The following NRAP variants were observed in gnomAD, a reference collection of about 807,000 sequenced individuals.
NRAP encodes nebulin related anchoring protein.
Under a neutral mutation model 225.9 loss-of-function variants are expected in NRAP, and 189 were observed. That is an observed-to-expected ratio of 0.84 (90% CI 0.74 to 0.94). NRAP has a LOEUF of 0.94. Among genes scored for constraint, NRAP ranks in the 40% least tolerant of loss-of-function variants. The pLI is 0.00. For missense variants in NRAP, 2,176 were observed against 2,168.7 expected, an observed-to-expected ratio of 1.00 and a Z score of -0.07; for synonymous variants, 769 against 790.7, an observed-to-expected ratio of 0.97 and a Z score of 0.46.
At chr10:113,650,653 C>A in intron 7 of NRAP, 108 bp from the exon 8 acceptor site, 1 of 736,226 alleles carries the variant, frequency 1.4e-6, no homozygotes, top group Admixed American at 2.1e-5. Context: ...TGTCATAGCT[C>A]ATAAGGCACA....
rs764130115 is a variant in NRAP at position 113,631,652 on chromosome 10, C to T, written c.1741-42G>A. The T allele has an allele frequency of 4.8e-5, 65 of 1,348,954 alleles. No individual in the cohort carries two copies. The South Asian group carries it at 4.9e-4, about 10-fold the overall frequency. 83.6% of individuals were successfully genotyped at this position (1,348,954 alleles called of 1,614,324 possible). ...AGGTCTACTGTGAGTGAGAGAGAAA[C>T]TTTGCCGTCTAAGGGGCTCTGGTTT... is the stretch of plus-strand genomic sequence containing the variant. On this transcript the variant is annotated intron_variant, in intron 17 of 41. Coordinates refer to ENST00000359988, the MANE Select transcript of NRAP (RefSeq NM_198060.4).
At chr10:113,621,796 G>A in intron 24 of NRAP, 73 bp downstream of exon 24, 1 of 1,423,798 alleles carries the variant, frequency 7.0e-7, no homozygotes, top group Non-Finnish European at 9.7e-7. Context: ...GAATGGCTTA[G>A]GGAAACACTT....
intron 2 of NRAP, 128 bp from the exon 3 acceptor site, chr10:113,662,894 A>AC: frequency 2.0e-6 from 1 of 489,720 alleles, no homozygotes; most frequent in Non-Finnish European, 3.5e-6. Flanking sequence ...AAACTTAAAA[A>AC]TTAAGTTCGT....
At chr10:113,643,658 A>G (rs900781094) in intron 11 of NRAP, among the ~76,000 whole-genome samples, 11 of 152,240 alleles carry the variant, frequency 7.2e-5, no homozygotes, top group Non-Finnish European at 1.5e-4. Context: ...GGCTACATTT[A>G]TTAAATAGAC....
In NRAP at chr10:113,589,749, G is replaced by A. The variant is rs1170157556; in HGVS notation, c.5005C>T (p.Pro1669Ser). 6.2e-7 allele frequency: 1 copy of A among 1,614,170 alleles called. No homozygotes were observed. The highest frequency in any genetic ancestry group is 2.2e-5 in the East Asian group (1 of 44,878). The change falls in exon 41 of 42, where the codon CCT becomes TCT. Residue 1669 changes from proline to serine, a missense_variant. Coordinates refer to ENST00000359988, the MANE Select transcript of NRAP (RefSeq NM_198060.4). ...ATTTCCACTTTGTAGGAGCCAGGAG[G>A]GGTCCAGCCAACACCTCTGGTCAGG... Reference protein sequence around the residue: ...LNLTRGVGWTPPGSYKVEMAR... With the variant: ...LNLTRGVGWTSPGSYKVEMAR...
chr10:113,599,663 C>T (rs1264402519), intron 35 of NRAP, among the ~76,000 whole-genome samples: 1 of 152,158 alleles, frequency 6.6e-6, no homozygotes, highest in African/African-American at 2.4e-5. Flanking sequence ...AGCTCCCAGC[C>T]CAGCTTTGAC....
At chr10:113,651,729 C>G (rs530577248) in intron 7 of NRAP, 74 bp downstream of exon 7, 19 of 831,984 alleles carry the variant, frequency 2.3e-5, no homozygotes, top group Non-Finnish European at 3.7e-5. Flanking sequence ...CATTGCAGCA[C>G]TATTCACAAG....
intron 14 of NRAP, among the ~76,000 whole-genome samples, chr10:113,636,603 A>G (rs950839797): frequency 6.6e-6 from 1 of 152,226 alleles, no homozygotes; most frequent in African/African-American, 2.4e-5. Context: ...TGCAACAAAT[A>G]GGGCGTACAG....
chr10:113,619,838 G>T (rs60518708), intron 25 of NRAP, among the ~76,000 whole-genome samples: 1 of 152,072 alleles, frequency 6.6e-6, no homozygotes, highest in Non-Finnish European at 1.5e-5. Flanking sequence ...CCTCCTGGGA[G>T]CCTTGTCCTG....
intron 16 of NRAP, 110 bp downstream of exon 16, chr10:113,632,974 A>G: frequency 1.4e-6 from 1 of 710,352 alleles, no homozygotes; most frequent in Non-Finnish European, 2.6e-6. Flanking sequence ...GATGCCTCTG[A>G]TGAGCCTTTC....
chr10:113,655,468 T>TC (rs1047789573), intron 4 of NRAP, among the ~76,000 whole-genome samples: 5 of 147,836 alleles, frequency 3.4e-5, no homozygotes, highest in African/African-American at 1.3e-4. Context: ...TTTTTTTTTT[T>TC]CCCTTGAGAC....
At chr10:113,632,012 G>A (rs760217084) in intron 16 of NRAP, 48 bp from the exon 17 acceptor site, 7 of 1,171,736 alleles carry the variant, frequency 6.0e-6, no homozygotes, top group Admixed American at 3.5e-5. Flanking sequence ...CCATATTCCT[G>A]CCAAACGTCA....
chr10:113,631,472 C>T, intron 18 of NRAP, 37 bp downstream of exon 18: 1 of 1,322,566 alleles, frequency 7.6e-7, no homozygotes, highest in South Asian at 1.3e-5. Flanking sequence ...AATAACACAA[C>T]TGTAAGTGAG....
chr10:113,593,710 T>A (rs947601366), intron 38 of NRAP, among the ~76,000 whole-genome samples: 12 of 152,244 alleles, frequency 7.9e-5, no homozygotes, highest in African/African-American at 2.9e-4. Context: ...TGCTTTCTGT[T>A]TGGGTGGCCC....
chr10:113,637,428 G>C (rs531761465), intron 14 of NRAP, among the ~76,000 whole-genome samples: 18 of 152,350 alleles, frequency 1.2e-4, no homozygotes, highest in African/African-American at 3.8e-4. Context: ...GTTTGCCAAA[G>C]CTAGTGTGCT....
At position 113,592,236 on chromosome 10, in the gene NRAP, G is replaced by T. The variant is rs1216501558; in HGVS notation, c.4602C>A (p.Ile1534=). 6.2e-7 allele frequency: 1 copy of T among 1,612,430 alleles called. No individual in the cohort carries two copies. Among genetic ancestry groups the T allele is most frequent in the Non-Finnish European group, 8.5e-7 (1 of 1,179,028 alleles). ...AGSYDFRLDA[I]PFQTARASRE... is the part of the protein sequence containing the mutation. Reference sequence around the variant, plus strand: ...TAGATGCCCGGGCAGTCTGGAAGGGGATGGCATCCAGCCTGAAGTCATAAC... The same window carrying T: ...TAGATGCCCGGGCAGTCTGGAAGGGTATGGCATCCAGCCTGAAGTCATAAC... Residue 1534 remains isoleucine (I), a synonymous_variant, in exon 39 of 42, where the codon ATC becomes ATA. Coordinates refer to ENST00000359988, the MANE Select transcript of NRAP (RefSeq NM_198060.4).
chr10:113,623,711 T>C, intron 22 of NRAP, 75 bp from the exon 23 acceptor site: 1 of 919,900 alleles, frequency 1.1e-6, no homozygotes, highest in East Asian at 2.4e-5. Context: ...TTCTCTAGAT[T>C]CTAATGACGA....
intron 22 of NRAP, among the ~76,000 whole-genome samples, chr10:113,624,027 T>C (rs906757140): frequency 1.3e-5 from 2 of 152,172 alleles, no homozygotes; most frequent in Non-Finnish European, 1.5e-5. Flanking sequence ...TCTTTCTCTT[T>C]CCTCCCGCCT....
chr10:113,590,582 C>G lies in NRAP; in HGVS notation c.4952G>C (p.Ser1651Thr). 1 of 1,610,022 alleles carries G rather than the reference C, an allele frequency of 6.2e-7. No individual in the cohort carries two copies. The highest frequency in any genetic ancestry group is 1.1e-5 in the South Asian group (1 of 91,032). ...GAGTGGGTGGAGGTGGCTCACATCA[C>G]TCTGCAGCTGGTGGGCCTTCTGAGC... ...RHAQKAHQLQSDVKYKSDLNL... is the reference protein window; with the variant it reads ...RHAQKAHQLQTDVKYKSDLNL... The change falls in exon 40 of 42, where the codon AGT (serine) becomes ACT (threonine). Residue 1651 changes from serine to threonine, a missense_variant. Physicochemically the swap from Ser to Thr is moderately conservative, Grantham distance 58 (BLOSUM62 1). Around this residue, in one of 3 missense-constraint regions of NRAP, gnomAD observed 445 missense variants for 426.1 expected, o/e 1.04. Transcript: ENST00000359988.
Sources: gnomAD v4.1 joint callset for allele counts (sites outside exome capture counted in the v4.1 genomes callset) on GRCh38, gnomAD v4.1.1 for gene constraint, gnomAD v4.1.1 regional missense constraint, MANE v1.5 for transcripts, NCBI Gene and HGNC (gene_info 2026-07-23, HGNC 2026-07-21) for gene names.